Variants in PDLIM1 observed in about 807,000 individuals in gnomAD.
PDLIM1 encodes PDZ and LIM domain protein 1.
Under a neutral mutation model 35.2 loss-of-function variants are expected in PDLIM1, and 25 were observed. The observed-to-expected ratio is 0.71, with a 90% CI of 0.52 to 0.99. PDLIM1 has a LOEUF of 0.99. PDLIM1 is among the 50% of genes least tolerant of loss of function. The pLI, the probability that PDLIM1 is intolerant of heterozygous loss-of-function variation, is 0.00. For synonymous variants in PDLIM1, 152 were observed against 154.0 expected (o/e 0.99, Z 0.10); for missense variants, 363 against 415.3 (o/e 0.87, Z 1.09).
rs1200200225 is a variant in PDLIM1 at position 95,271,720 on chromosome 10, T to C, written c.161A>G (p.Asp54Gly). The C allele has an allele frequency of 5.6e-6, 9 of 1,612,826 alleles. No individual in the cohort carries two copies. The highest frequency in any genetic ancestry group is 2.7e-5 in the African/African-American group (2 of 74,854). The change falls in exon 2 of 7, where the codon GAT becomes GGT. Residue 54 changes from aspartate to glycine, a missense_variant. Coordinates refer to ENST00000329399, the MANE Select transcript of PDLIM1 (RefSeq NM_020992.4). Reference sequence around the variant, plus strand: ...TGTCATATTGCTAGTATTTTCCCCATCAATGGCTGTGATTACATCTCCAAT... The same window carrying C: ...TGTCATATTGCTAGTATTTTCCCCACCAATGGCTGTGATTACATCTCCAAT... ...LCIGDVITAIDGENTSNMTHL... is the reference protein window; with the variant it reads ...LCIGDVITAIGGENTSNMTHL...
At chr10:95,247,885 A>C (rs570360755) in intron 4 of PDLIM1, among the ~76,000 whole-genome samples, 7 of 152,334 alleles carry the variant, frequency 4.6e-5, no homozygotes, top group South Asian at 2.1e-4. Flanking sequence ...CTCACCTATA[A>C]CACAGAGGTA....
chr10:95,264,053 T>C lies in PDLIM1; in HGVS notation c.344A>G (p.His115Arg). The C allele has an allele frequency of 6.2e-7, 1 of 1,613,450 alleles. No homozygotes were observed. Among genetic ancestry groups the C allele is most frequent in the Non-Finnish European group, 8.5e-7 (1 of 1,179,766 alleles). ...ACTTCGGTTGTGGGCGCTTCCTATG[T>C]GCAGGACCTCCTGCAGGCAGGGATC... is the stretch of plus-strand genomic sequence containing the variant. ...NLASEPQEVL[H>R]IGSAHNRSAM... Residue 115 changes from histidine (H) to arginine (R), a missense_variant, in exon 4 of 7, where the codon CAC (histidine) becomes CGC (arginine). His to Arg is a conservative substitution (Grantham distance 29). Coordinates refer to ENST00000329399, the MANE Select transcript of PDLIM1 (RefSeq NM_020992.4).
At chr10:95,265,593 C>CA (rs56893525) in intron 3 of PDLIM1, among the ~76,000 whole-genome samples, 908 of 83,938 alleles carry the variant, frequency 0.011, 25 homozygotes, top group African/African-American at 0.023. Flanking sequence ...GGAACTCTGT[C>CA]AAAAAAAAAA....
intron 4 of PDLIM1, among the ~76,000 whole-genome samples, chr10:95,259,028 G>T (rs1481340418): frequency 6.6e-6 from 1 of 152,112 alleles, no homozygotes; most frequent in Non-Finnish European, 1.5e-5. Flanking sequence ...AGTTGCCAGG[G>T]GTTAAGGAGG....
intron 1 of PDLIM1, among the ~76,000 whole-genome samples, chr10:95,283,011 C>CTA: frequency 6.6e-6 from 1 of 152,146 alleles, no homozygotes; most frequent in African/African-American, 2.4e-5. Context: ...TTAAATAGCT[C>CTA]CAACAGCTAC....
At chr10:95,246,991 G>C (rs1000268790) in intron 5 of PDLIM1, among the ~76,000 whole-genome samples, 1 of 152,154 alleles carries the variant, frequency 6.6e-6, no homozygotes, top group Non-Finnish European at 1.5e-5. Context: ...AGTTGGCCAG[G>C]CCTGGAGTTT....
chr10:95,239,816 C>G (rs572469416), intron 5 of PDLIM1, among the ~76,000 whole-genome samples: 2 of 152,018 alleles, frequency 1.3e-5, no homozygotes, highest in South Asian at 4.2e-4. Flanking sequence ...AAAAATAACC[C>G]CATTAAAAAG....
intron 4 of PDLIM1, among the ~76,000 whole-genome samples, chr10:95,260,393 C>T (rs2035349750): frequency 6.6e-6 from 1 of 152,174 alleles, no homozygotes; most frequent in African/African-American, 2.4e-5. Flanking sequence ...CCAGGGTCCC[C>T]TCAACTCAAT....
At chr10:95,264,275 C>T (rs796264457) in intron 3 of PDLIM1, among the ~76,000 whole-genome samples, 10 of 152,298 alleles carry the variant, frequency 6.6e-5, no homozygotes, top group African/African-American at 2.4e-4. Context: ...TGCGAGTTCA[C>T]ACCCCCTGAA....
chr10:95,284,693 T>C (rs993492176), intron 1 of PDLIM1, among the ~76,000 whole-genome samples: 2 of 152,228 alleles, frequency 1.3e-5, no homozygotes, highest in Non-Finnish European at 2.9e-5. Flanking sequence ...AACTAGGTCC[T>C]ATCTATGTTC....
At chr10:95,279,670 GT>G (rs1482195837) in intron 1 of PDLIM1, among the ~76,000 whole-genome samples, 2 of 152,182 alleles carry the variant, frequency 1.3e-5, no homozygotes, top group Non-Finnish European at 2.9e-5. Flanking sequence ...GGAGCAAAAC[GT>G]TGTCCCTGTG....
intron 4 of PDLIM1, among the ~76,000 whole-genome samples, chr10:95,260,387 G>T (rs2035349689): frequency 6.6e-6 from 1 of 152,092 alleles, no homozygotes; most frequent in Non-Finnish European, 1.5e-5. Flanking sequence ...TTTTGACCAG[G>T]GTCCCCTCAA....
At chr10:95,277,796 C>T (rs1039077867) in intron 1 of PDLIM1, among the ~76,000 whole-genome samples, 1 of 152,210 alleles carries the variant, frequency 6.6e-6, no homozygotes, top group South Asian at 2.1e-4. Context: ...TAGAGGCCAA[C>T]ATGTTCTCCA....
At position 95,262,826 on chromosome 10, in the gene PDLIM1, C is replaced by T. The variant is rs45438794; in HGVS notation, c.533+1038G>A. Among the ~76,000 whole-genome samples the T allele has an allele frequency of 5.0e-3, 762 of 152,300 alleles. 3 individuals are homozygous for T. The highest frequency in any genetic ancestry group is 0.037 in the Middle Eastern group (11 of 294). On this transcript the variant is annotated intron_variant, in intron 4 of 6. Transcript: ENST00000329399. ...GAGATGGAGCAGACACTGGGCCCCT[C>T]TGCTGGCAAGATCCAGGAGACTCCA... is the stretch of plus-strand genomic sequence containing the variant.
intron 5 of PDLIM1, among the ~76,000 whole-genome samples, chr10:95,243,590 A>T (rs1003677796): frequency 2.6e-5 from 4 of 151,954 alleles, no homozygotes; most frequent in African/African-American, 9.7e-5. Flanking sequence ...ACCAGCCAAA[A>T]CGAGCCTCGG....
chr10:95,274,316 G>T (rs547482972), intron 1 of PDLIM1, among the ~76,000 whole-genome samples: 1 of 132,846 alleles, frequency 7.5e-6, no homozygotes, highest in Non-Finnish European at 1.6e-5. Context: ...TTTTTGAGAC[G>T]GAGTTTCGCT....
At chr10:95,273,684 A>G (rs952745992) in intron 1 of PDLIM1, among the ~76,000 whole-genome samples, 1 of 152,134 alleles carries the variant, frequency 6.6e-6, no homozygotes, top group African/African-American at 2.4e-5. Context: ...CTCCTGATTC[A>G]AGGTTCAGAT....
chr10:95,290,901 C>T lies in PDLIM1; in HGVS notation c.15G>A (p.Gln5=). The change falls in exon 1 of 7, where the codon CAG becomes CAA. Residue 5 remains glutamine (Q), a synonymous_variant. Transcript: ENST00000329399. This position sits in a 1 kb window ranked among gnomAD's most constrained non-coding sequence, Gnocchi z 4.7. The part of the protein sequence containing the change: MTTQ[Q]IDLQGPGPWG... Reference sequence around the variant, plus strand: ...ACGGCCCCGGGCCCTGGAGGTCTATCTGCTGGGTGGTCATGGCGCGGCTGT... The same window carrying T: ...ACGGCCCCGGGCCCTGGAGGTCTATTTGCTGGGTGGTCATGGCGCGGCTGT... 1.3e-6 allele frequency: 2 copies of T among 1,560,040 alleles called. No homozygotes were observed. The highest frequency in any genetic ancestry group is 1.7e-6 in the Non-Finnish European group (2 of 1,152,552).
At chr10:95,254,825 TAAG>T (rs1336723349) in intron 4 of PDLIM1, among the ~76,000 whole-genome samples, 1 of 151,914 alleles carries the variant, frequency 6.6e-6, no homozygotes, top group Non-Finnish European at 1.5e-5. Flanking sequence ...GAAGCTGAGG[TAAG>T]AAGATCACTT....
Sources: gnomAD v4.1 joint callset for allele counts (sites outside exome capture counted in the v4.1 genomes callset) on GRCh38, gnomAD v4.1.1 for gene constraint, Gnocchi (gnomAD v3.1) non-coding constraint, MANE v1.5 for transcripts, NCBI Gene and HGNC (gene_info 2026-07-23, HGNC 2026-07-21) for gene names.